ADAMTS12: variants seen among roughly 807,000 people sequenced by gnomAD.
The protein encoded by ADAMTS12 is A disintegrin and metalloproteinase with thrombospondin motifs 12.
A neutral mutation model predicts 167.8 loss-of-function variants in ADAMTS12; 118 were observed. The ratio of observed to expected loss-of-function variants is 0.70; its 90% CI spans 0.61 to 0.82. The LOEUF is 0.82. ADAMTS12 is among the 40% of genes least tolerant of loss of function. The probability of loss-of-function intolerance (pLI) is 0.00; values close to 1 mark genes in which losing one functional copy is unlikely to be tolerated. For synonymous variants in ADAMTS12, 704 were observed against 716.9 expected (o/e 0.98, Z 0.29); for missense variants, 1,916 against 1,998.8 (o/e 0.96, Z 0.79).
chr5:33,574,041 A>T (rs1746533307), intron 19 of ADAMTS12, among the ~76,000 whole-genome samples: 1 of 152,156 alleles, frequency 6.6e-6, no homozygotes, highest in Non-Finnish European at 1.5e-5. Flanking sequence ...TCAAAACCAC[A>T]ATGAGATACC....
intron 19 of ADAMTS12, among the ~76,000 whole-genome samples, chr5:33,572,161 C>T (rs1746391902): frequency 6.6e-6 from 1 of 152,054 alleles, no homozygotes; most frequent in South Asian, 2.1e-4. Context: ...CTGAATTCTA[C>T]CAGAGGTACA....
intron 2 of ADAMTS12, among the ~76,000 whole-genome samples, chr5:33,841,548 T>C (rs184390018): frequency 8.5e-5 from 13 of 152,356 alleles, no homozygotes; most frequent in Admixed American, 8.5e-4. Context: ...GCATAACCCA[T>C]TTTTGCCTAG....
chr5:33,855,407 A>G (rs1255884463), intron 2 of ADAMTS12, among the ~76,000 whole-genome samples: 1 of 152,264 alleles, frequency 6.6e-6, no homozygotes, highest in African/African-American at 2.4e-5. Context: ...ATATCCTAGG[A>G]CAAATTGATT....
chr5:33,545,803 C>T (rs1349148159), intron 22 of ADAMTS12, among the ~76,000 whole-genome samples: 4 of 142,580 alleles, frequency 2.8e-5, no homozygotes, highest in Non-Finnish European at 4.5e-5. Context: ...TAGGTGGGAA[C>T]TGAACAATGA....
chr5:33,573,846 A>C (rs1041916976), intron 19 of ADAMTS12, among the ~76,000 whole-genome samples: 2 of 152,214 alleles, frequency 1.3e-5, no homozygotes, highest in Non-Finnish European at 2.9e-5. Flanking sequence ...CAACCTACTC[A>C]TCTGACAAAG....
At chr5:33,667,019 G>GATT in intron 5 of ADAMTS12, among the ~76,000 whole-genome samples, 1 of 152,238 alleles carries the variant, frequency 6.6e-6, no homozygotes, top group East Asian at 1.9e-4. Flanking sequence ...GGAGAGTGAT[G>GATT]ATTAACTCCT....
intron 13 of ADAMTS12, among the ~76,000 whole-genome samples, chr5:33,628,398 A>G (rs1379592977): frequency 6.6e-6 from 1 of 152,106 alleles, no homozygotes; most frequent in African/African-American, 2.4e-5. Flanking sequence ...TTAAATCTAT[A>G]TCTTTGATAA....
At chr5:33,571,771 G>A (rs1242522908) in intron 19 of ADAMTS12, among the ~76,000 whole-genome samples, 1 of 150,068 alleles carries the variant, frequency 6.7e-6, no homozygotes, top group Non-Finnish European at 1.5e-5. Flanking sequence ...AGGAAATAGA[G>A]ACACAAAAAA....
intron 18 of ADAMTS12, among the ~76,000 whole-genome samples, chr5:33,585,038 T>TATCCATCC (rs34073710): frequency 1.3e-4 from 19 of 150,528 alleles, no homozygotes; most frequent in African/African-American, 2.4e-4. Context: ...GTTATCCATG[T>TATCCATCC]ATCCATCCAT....
chr5:33,721,487 C>T (rs1579873234), intron 3 of ADAMTS12, among the ~76,000 whole-genome samples: 1 of 152,194 alleles, frequency 6.6e-6, no homozygotes, highest in African/African-American at 2.4e-5. Flanking sequence ...ATAGCTCCAA[C>T]ATGGCTGGAG....
intron 11 of ADAMTS12, among the ~76,000 whole-genome samples, chr5:33,639,309 A>C (rs1031044399): frequency 3.3e-5 from 5 of 152,206 alleles, no homozygotes; most frequent in Non-Finnish European, 5.9e-5. Context: ...AGGTCAACCC[A>C]TGCTCTATGC....
chr5:33,779,085 GA>G (rs1746019610), intron 2 of ADAMTS12, among the ~76,000 whole-genome samples: 1 of 151,712 alleles, frequency 6.6e-6, no homozygotes, highest in Admixed American at 6.6e-5. Flanking sequence ...AGCCATTATA[GA>G]AAACATTATG....
chr5:33,808,118 C>A (rs73759401), intron 2 of ADAMTS12, among the ~76,000 whole-genome samples: 1 of 152,106 alleles, frequency 6.6e-6, no homozygotes, highest in African/African-American at 2.4e-5. Flanking sequence ...AGGGAAAGCA[C>A]GAGCCGCGTA....
chr5:33,651,769 G>T (rs534007273), intron 7 of ADAMTS12, among the ~76,000 whole-genome samples: 3 of 152,068 alleles, frequency 2.0e-5, no homozygotes, highest in African/African-American at 7.2e-5. Flanking sequence ...GTACCCAGTA[G>T]GTAACTTTTC....
chr5:33,570,944 T>A (rs1467686263), intron 19 of ADAMTS12, among the ~76,000 whole-genome samples: 2 of 151,332 alleles, frequency 1.3e-5, no homozygotes, highest in Non-Finnish European at 2.9e-5. Flanking sequence ...GGGGTTGCAA[T>A]CCTAGTCTCT....
chr5:33,854,965 C>T (rs1198101886), intron 2 of ADAMTS12, among the ~76,000 whole-genome samples: 1 of 152,196 alleles, frequency 6.6e-6, no homozygotes, highest in East Asian at 1.9e-4. Flanking sequence ...ACACAGGCAT[C>T]CTGCAACTCA....
At chr5:33,844,641 T>C (rs916832032) in intron 2 of ADAMTS12, among the ~76,000 whole-genome samples, 1 of 152,204 alleles carries the variant, frequency 6.6e-6, no homozygotes, top group African/African-American at 2.4e-5. Context: ...ATTTTAATTT[T>C]GCCCCGGTCC....
intron 20 of ADAMTS12, among the ~76,000 whole-genome samples, chr5:33,550,320 G>A (rs929738701): frequency 3.3e-5 from 5 of 152,150 alleles, no homozygotes; most frequent in African/African-American, 1.2e-4. Context: ...TGTGCTTCTA[G>A]GACTTGCTCT....
chr5:33,643,467 C>T lies in ADAMTS12; in HGVS notation c.1483G>A (p.Val495Ile), dbSNP rs368041272. 105 of 1,613,998 alleles carry T rather than the reference C, an allele frequency of 6.5e-5. 1 individual carries two copies. The highest frequency in any genetic ancestry group is 3.0e-4 in the Admixed American group (18 of 60,026). ...NATFCQEVEN[V>I]CQTLWCSVKG... ...ACGGAGCACCACAGTGTCTGGCAGA[C>T]GTTCTAGAAAACAAATTGCACTTCT... The change falls in exon 10 of 24, where the codon GTC (valine) becomes ATC (isoleucine). Residue 495 changes from valine to isoleucine, a missense_variant. Val to Ile is a conservative substitution (Grantham distance 29). Transcript: ENST00000504830.
Sources: allele counts gnomAD v4.1 joint callset (sites outside exome capture counted in the v4.1 genomes callset), GRCh38; gene constraint gnomAD v4.1.1; transcripts MANE v1.5; gene names NCBI Gene and HGNC (gene_info 2026-07-23, HGNC 2026-07-21).